ARPC1A: variants seen among roughly 807,000 people sequenced by gnomAD.
ARPC1A encodes the protein actin related protein 2/3 complex subunit 1A.
A neutral mutation model predicts 46.9 loss-of-function variants in ARPC1A; 8 were observed. The ratio of observed to expected loss-of-function variants is 0.17; its 90% CI spans 0.10 to 0.31. ARPC1A has a LOEUF of 0.31. Ranked by LOEUF, ARPC1A falls within the 10% of genes least tolerant of loss-of-function variation. The pLI, the probability that ARPC1A is intolerant of heterozygous loss-of-function variation, is 1.00. For synonymous variants in ARPC1A, 152 were observed against 169.0 expected, an observed-to-expected ratio of 0.90 and a Z score of 0.78; for missense variants, 286 against 483.6, an observed-to-expected ratio of 0.59 and a Z score of 3.83.
At chr7:99,334,004 TACACACACACAC>T (rs547756931) in intron 2 of ARPC1A, among the ~76,000 whole-genome samples, 26 of 141,364 alleles carry the variant, frequency 1.8e-4, no homozygotes, top group African/African-American at 6.7e-4. Context: ...TGTGTGTGTG[TACACACACACAC>T]ACACACACAC....
At chr7:99,358,037 C>T (rs538461843) in intron 6 of ARPC1A, among the ~76,000 whole-genome samples, 5 of 152,246 alleles carry the variant, frequency 3.3e-5, no homozygotes, top group East Asian at 1.9e-4. Context: ...GAAAGTGGAC[C>T]GTGGGATCAT....
intron 2 of ARPC1A, among the ~76,000 whole-genome samples, chr7:99,336,244 G>C (rs1793248910): frequency 6.6e-6 from 1 of 152,012 alleles, no homozygotes; most frequent in African/African-American, 2.4e-5. Flanking sequence ...ACATTTTCCA[G>C]GTTTAAATTT....
At chr7:99,344,055 T>C (rs1397806773) in intron 3 of ARPC1A, among the ~76,000 whole-genome samples, 2 of 152,304 alleles carry the variant, frequency 1.3e-5, no homozygotes, top group African/African-American at 2.4e-5. Context: ...AGTCTGTAAT[T>C]ATAAAACAGC....
At chr7:99,343,504 A>C (rs1004909088) in intron 3 of ARPC1A, among the ~76,000 whole-genome samples, 2 of 152,052 alleles carry the variant, frequency 1.3e-5, no homozygotes, top group Non-Finnish European at 2.9e-5. Context: ...AAAATACCTC[A>C]TCAATAAGTG....
chr7:99,347,606 AG>A (rs1191513851), intron 4 of ARPC1A, among the ~76,000 whole-genome samples: 2 of 152,142 alleles, frequency 1.3e-5, no homozygotes, highest in East Asian at 1.9e-4. Flanking sequence ...CGGGAGGCTG[AG>A]GCACAAGAAT....
At position 99,337,738 on chromosome 7, in the gene ARPC1A, G is replaced by C. The variant is rs142977203; in HGVS notation, c.65-443G>C. Among the ~76,000 whole-genome samples, 899 of 152,246 alleles carry C rather than the reference G, an allele frequency of 5.9e-3. 9 individuals carry two copies. Among genetic ancestry groups the C allele is most frequent in the African/African-American group, 0.021 (855 of 41,532 alleles). On this transcript the variant is annotated intron_variant, in intron 2 of 9. Transcript: ENST00000262942. ...TTTTTAATATAAACTAGTGGTTCCA[G>C]CCTGGGTCCATGATAGCAGTAATGG...
intron 1 of ARPC1A, among the ~76,000 whole-genome samples, chr7:99,332,703 G>A (rs1793165386): frequency 6.7e-6 from 1 of 149,224 alleles, no homozygotes; most frequent in South Asian, 2.1e-4. Flanking sequence ...TCCCAGGTTC[G>A]CCATTCTCCT....
At chr7:99,342,487 G>C (rs1793370814) in intron 3 of ARPC1A, among the ~76,000 whole-genome samples, 1 of 151,864 alleles carries the variant, frequency 6.6e-6, no homozygotes, top group African/African-American at 2.4e-5. Context: ...TGAGGCTGCA[G>C]TGAGCTATGA....
chr7:99,360,834 G>A (rs1200059398), intron 8 of ARPC1A, among the ~76,000 whole-genome samples: 2 of 151,600 alleles, frequency 1.3e-5, no homozygotes, highest in African/African-American at 2.4e-5. Context: ...CCAGCTACTC[G>A]GCAGGCTGAG....
At chr7:99,343,424 C>A (rs1793388457) in intron 3 of ARPC1A, among the ~76,000 whole-genome samples, 1 of 151,556 alleles carries the variant, frequency 6.6e-6, no homozygotes, top group Admixed American at 6.6e-5. Context: ...TGAGATCGTG[C>A]CATTGTACTC....
intron 5 of ARPC1A, among the ~76,000 whole-genome samples, chr7:99,351,739 G>C (rs537585778): frequency 6.6e-6 from 1 of 152,170 alleles, no homozygotes; most frequent in South Asian, 2.1e-4. Context: ...GGGGTGGTAG[G>C]GGGGATACCT....
intron 1 of ARPC1A, among the ~76,000 whole-genome samples, chr7:99,326,444 C>T (rs921903571): frequency 6.6e-6 from 1 of 152,224 alleles, no homozygotes; most frequent in African/African-American, 2.4e-5. Context: ...AGCCCTCAAT[C>T]CTTCGGTTAA....
At chr7:99,337,298 G>A (rs995158484) in intron 2 of ARPC1A, among the ~76,000 whole-genome samples, 2 of 152,198 alleles carry the variant, frequency 1.3e-5, no homozygotes, top group African/African-American at 4.8e-5. Context: ...GCGCATGCCT[G>A]TAATCCCAGC....
At chr7:99,338,348 T>C in intron 3 of ARPC1A, 63 bp downstream of exon 3, 1 of 1,123,842 alleles carries the variant, frequency 8.9e-7, no homozygotes, top group Non-Finnish European at 1.2e-6. Flanking sequence ...TCCTTTTAGA[T>C]AAAGAGCCTA....
intron 2 of ARPC1A, among the ~76,000 whole-genome samples, chr7:99,337,710 A>G (rs10247946): frequency 0.099 from 15,105 of 152,148 alleles, 1,959 homozygotes; most frequent in African/African-American, 0.3. Flanking sequence ...AGCAGAATCA[A>G]TTTTTTTAAT....
chr7:99,332,804 T>C lies in ARPC1A; in HGVS notation c.-29-521T>C, dbSNP rs61085247. On this transcript the variant is annotated intron_variant, in intron 1 of 9. Transcript: ENST00000262942. ...TTTTAGTAGAGACGGGGTTTCACCGTGTTAGCCAGGATGGTCTGGATCTCC... is the reference window on the plus strand; with the variant it reads ...TTTTAGTAGAGACGGGGTTTCACCGCGTTAGCCAGGATGGTCTGGATCTCC... 8.3e-3 allele frequency among the ~76,000 whole-genome samples: 1,236 copies of C among 149,010 alleles called. 17 individuals are homozygous for C. Among genetic ancestry groups the C allele is most frequent in the African/African-American group, 0.027 (1,092 of 40,960 alleles).
intron 1 of ARPC1A, among the ~76,000 whole-genome samples, chr7:99,327,022 G>T (rs10257090): frequency 6.6e-6 from 1 of 152,112 alleles, no homozygotes; most frequent in South Asian, 2.1e-4. Context: ...TCAACTCGTA[G>T]CTTAAATTGC....
chr7:99,363,457 A>T (rs1793775703), intron 8 of ARPC1A, 86 bp from the exon 9 acceptor site: 1 of 944,046 alleles, frequency 1.1e-6, no homozygotes, highest in Non-Finnish European at 1.7e-6. Context: ...TCATTTCCTT[A>T]AGCTGCCCTT....
chr7:99,341,098 C>T (rs1254594255), intron 3 of ARPC1A, among the ~76,000 whole-genome samples: 1 of 152,032 alleles, frequency 6.6e-6, no homozygotes, highest in African/African-American at 2.4e-5. Flanking sequence ...CACCTGAGGT[C>T]GGGAGTTTGA....
Sources: allele counts gnomAD v4.1 joint callset (sites outside exome capture counted in the v4.1 genomes callset), GRCh38; gene constraint gnomAD v4.1.1; transcripts MANE v1.5; gene names NCBI Gene and HGNC (gene_info 2026-07-23, HGNC 2026-07-21).